SLC38A10: variants seen among roughly 807,000 people sequenced by gnomAD.
SLC38A10 encodes Sodium-coupled neutral amino acid transporter 10.
In SLC38A10, 53 loss-of-function variants were observed where a neutral mutation model predicts 81.0. That is an observed-to-expected ratio of 0.65 (90% CI 0.53 to 0.82). The LOEUF (loss-of-function observed/expected upper bound fraction) is 0.82. Ranked by LOEUF, SLC38A10 falls within the 40% of genes least tolerant of loss-of-function variation. The probability of loss-of-function intolerance (pLI) is 0.00; values close to 1 mark genes in which losing one functional copy is unlikely to be tolerated. For synonymous variants in SLC38A10, 665 were observed against 655.3 expected, an observed-to-expected ratio of 1.01 and a Z score of -0.23; for missense variants, 1,471 against 1,545.0, an observed-to-expected ratio of 0.95 and a Z score of 0.80.
chr17:81,292,610 G>T lies in SLC38A10; in HGVS notation c.99+2213C>A, dbSNP rs1482596566. 5.9e-5 allele frequency among the ~76,000 whole-genome samples: 9 copies of T among 152,184 alleles called. 1 individual carries two copies. Among genetic ancestry groups the T allele is most frequent in the Admixed American group, 5.9e-4 (9 of 15,274 alleles). On this transcript the variant is annotated intron_variant, in intron 1 of 15. Coordinates refer to ENST00000374759, the MANE Select transcript of SLC38A10 (RefSeq NM_001037984.3). ...CGCTGCGGCCAGATCAGAGCAACTG[G>T]GCCTCCCTCTGGGCAGCCCTCAGGA...
At chr17:81,271,486 T>G (rs532002384) in intron 9 of SLC38A10, among the ~76,000 whole-genome samples, 6 of 152,138 alleles carry the variant, frequency 3.9e-5, no homozygotes, top group Non-Finnish European at 8.8e-5. Context: ...GCGTGCGAGT[T>G]CCCCTGTGAT....
At chr17:81,294,757 G>C (rs1443040315) in intron 1 of SLC38A10, 66 bp downstream of exon 1, 53 of 1,440,728 alleles carry the variant, frequency 3.7e-5, no homozygotes, top group Non-Finnish European at 4.9e-5. Flanking sequence ...TAACCAGGAC[G>C]ACCCAGCCAG....
rs569028418 is a variant in SLC38A10 at position 81,269,076 on chromosome 17, C to A, written c.1131+1842G>T. Among the ~76,000 whole-genome samples, 5 of 152,274 alleles carry A rather than the reference C, an allele frequency of 3.3e-5. No individual in the cohort carries two copies. In the East Asian group the frequency reaches 9.6e-4, roughly 29 times the overall value. On this transcript the variant is annotated intron_variant, in intron 10 of 15. Coordinates refer to ENST00000374759, the MANE Select transcript of SLC38A10 (RefSeq NM_001037984.3). The stretch of plus-strand genomic sequence containing the variant: ...AAGACAATTCAACAAGGAGATATAA[C>A]CAACTTCAATCTGTCTGCTCCTAAT...
rs148338421 is a variant in SLC38A10, at chr17:81,251,375, A to C, written c.2065+118T>G. 17 of 1,612,706 alleles carry C rather than the reference A, an allele frequency of 1.1e-5. No individual in the cohort carries two copies. In the South Asian group the frequency reaches 1.5e-4, roughly 15 times the overall value. ...AGGGGTCTGCTCAGCAGGCGGCTGGAAAGAGAAGGGGGGCCTGGCAGGGCT... is the reference window on the plus strand; with the variant it reads ...AGGGGTCTGCTCAGCAGGCGGCTGGCAAGAGAAGGGGGGCCTGGCAGGGCT... On this transcript the variant is annotated intron_variant, in intron 14 of 15. Transcript: ENST00000374759.
Position 81,277,019 on chromosome 17 carries a change from C to T in SLC38A10, c.729+12G>A, listed in dbSNP as rs370335953. 303 of 1,611,372 alleles carry T rather than the reference C, an allele frequency of 1.9e-4. No individual in the cohort carries two copies. The highest frequency in any genetic ancestry group is 2.1e-4 in the Non-Finnish European group (244 of 1,177,742). The stretch of plus-strand genomic sequence containing the variant: ...TGACACAGGGGCGGAGAGGGCGTGG[C>T]AAGGCTCTTACCATGACGTAGAAGG... On this transcript the variant is annotated intron_variant, in intron 7 of 15. Coordinates refer to ENST00000374759, the MANE Select transcript of SLC38A10 (RefSeq NM_001037984.3). The surrounding 1 kb of genome is among the most constrained non-coding windows in gnomAD (Gnocchi z 4.5).
chr17:81,289,875 C>T lies in SLC38A10; in HGVS notation c.100-67G>A. The stretch of plus-strand genomic sequence containing the variant: ...GCTCCCCAGAGGCCCTCACCCCACA[C>T]ACGCGGCTCATGAGGACCCTCTTCA... On this transcript the variant is annotated intron_variant, in intron 1 of 15. Transcript: ENST00000374759. This position sits in a 1 kb window ranked among gnomAD's most constrained non-coding sequence, Gnocchi z 5.9. The T allele has an allele frequency of 7.5e-7, 1 of 1,338,624 alleles. No homozygotes were observed. Among genetic ancestry groups the T allele is most frequent in the Non-Finnish European group, 1.0e-6 (1 of 985,028 alleles). The allele number at this position is 1,338,624 out of a possible 1,614,324, so 82.9% of individuals were successfully genotyped here.
Position 81,283,759 on chromosome 17 carries a change from G to A in SLC38A10, c.264-257C>T, listed in dbSNP as rs1490756878. The stretch of plus-strand genomic sequence containing the variant: ...CTCCCGAGTAGCTGGGAGTAGCCGA[G>A]TAGCCACGCCCGGCTAATTGTTTGT... On this transcript the variant is annotated intron_variant, in intron 3 of 15. Coordinates refer to ENST00000374759, the MANE Select transcript of SLC38A10 (RefSeq NM_001037984.3). This position sits in a 1 kb window ranked among gnomAD's most constrained non-coding sequence, Gnocchi z 4.7. Among the ~76,000 whole-genome samples the A allele has an allele frequency of 1.3e-5, 2 of 151,878 alleles. No individual in the cohort carries two copies. The highest frequency in any genetic ancestry group is 1.3e-4 in the Admixed American group (2 of 15,258).
At position 81,258,000 on chromosome 17, in the gene SLC38A10, G is replaced by A. The variant is rs183840635; in HGVS notation, c.1288+2238C>T. ...GCAGGTACGAACGGCCCGACTCCCA[G>A]CTTTCAAGGTAACTGTCTTCATGAG... On this transcript the variant is annotated intron_variant, in intron 11 of 15. Transcript: ENST00000374759. Among the ~76,000 whole-genome samples the A allele has an allele frequency of 1.3e-3, 202 of 152,368 alleles. 1 individual carries two copies. The highest frequency in any genetic ancestry group is 0.012 in the South Asian group (57 of 4,828).
In SLC38A10 at chr17:81,289,148, C is replaced by T. The variant is rs1427950251; in HGVS notation, c.217+543G>A. Among the ~76,000 whole-genome samples, 2 of 152,146 alleles carry T rather than the reference C, an allele frequency of 1.3e-5. No homozygotes were observed. The highest frequency in any genetic ancestry group is 4.8e-5 in the African/African-American group (2 of 41,432). ...CTCCACCTATCGGGTTCAAGAGATT[C>T]TCTGGCCTCAGCCTCCTGAGTAGCT... On this transcript the variant is annotated intron_variant, in intron 2 of 15. Coordinates refer to ENST00000374759, the MANE Select transcript of SLC38A10 (RefSeq NM_001037984.3). The surrounding 1 kb of genome is among the most constrained non-coding windows in gnomAD (Gnocchi z 5.9).
chr17:81,284,079 C>G (rs1174389605), intron 3 of SLC38A10, among the ~76,000 whole-genome samples: 1 of 151,708 alleles, frequency 6.6e-6, no homozygotes, highest in East Asian at 2.0e-4. Flanking sequence ...CATGATGGGC[C>G]TGGCACAGTG....
At position 81,247,989 on chromosome 17, in the gene SLC38A10, A is replaced by G. The variant is rs187475751; in HGVS notation, c.2066-928T>C. 5.0e-3 allele frequency among the ~76,000 whole-genome samples: 538 copies of G among 107,080 alleles called. 12 individuals carry two copies. In the East Asian group the frequency reaches 0.07, roughly 14 times the overall value. 70.2% of individuals were successfully genotyped at this position (107,080 alleles called of 152,430 possible). On this transcript the variant is annotated intron_variant, in intron 14 of 15. Transcript: ENST00000374759. ...TTTTTTTTTTTGAGACGGGAGTCTC[A>G]CTCTGTCACCCAGGCTGGAGTGCAG...
At chr17:81,256,873 C>T (rs563631041) in intron 11 of SLC38A10, among the ~76,000 whole-genome samples, 1 of 152,330 alleles carries the variant, frequency 6.6e-6, no homozygotes, top group African/African-American at 2.4e-5. Flanking sequence ...TCCTGGTACC[C>T]GGGTGTCTGG....
chr17:81,250,047 A>T, intron 14 of SLC38A10: 1 of 1,287,776 alleles, frequency 7.8e-7, no homozygotes, highest in Non-Finnish European at 1.0e-6. Flanking sequence ...TCTTGACTTC[A>T]GCACACTCCT....
At chr17:81,252,762 C>G (rs943430208) in intron 12 of SLC38A10, 79 bp from the exon 13 acceptor site, 1 of 1,507,144 alleles carries the variant, frequency 6.6e-7, no homozygotes, top group African/African-American at 1.4e-5. Flanking sequence ...TGGGTTCTTC[C>G]CTGGGTTCTG....
chr17:81,253,073 C>T lies in SLC38A10; in HGVS notation c.1456G>A (p.Gly486Arg). The change falls in exon 12 of 16, where the codon GGG becomes AGG. Residue 486 changes from glycine (G) to arginine (R), a missense_variant and splice_region_variant. Transcript: ENST00000374759. This position sits in a 1 kb window ranked among gnomAD's most constrained non-coding sequence, Gnocchi z 4.1. ...EEAQLDRPGQ[G>R]IAVPVGEAHR... Reference sequence around the variant, plus strand: ...CGCACCCCCAGCCAGTGCCCAGCACCTTGCCCAGGGCGATCGAGCTGTGCC... The same window carrying T: ...CGCACCCCCAGCCAGTGCCCAGCACTTTGCCCAGGGCGATCGAGCTGTGCC... The T allele has an allele frequency of 6.2e-7, 1 of 1,612,656 alleles. No homozygotes were observed. Among genetic ancestry groups the T allele is most frequent in the Non-Finnish European group, 8.5e-7 (1 of 1,179,970 alleles).
At chr17:81,247,105 G>A in intron 14 of SLC38A10, 44 bp from the exon 15 acceptor site, 1 of 1,540,114 alleles carries the variant, frequency 6.5e-7, no homozygotes, top group Non-Finnish European at 8.7e-7. Context: ...GGCTGCTCAT[G>A]CACCGTGCTG....
At chr17:81,284,337 G>A (rs1007307139) in intron 3 of SLC38A10, among the ~76,000 whole-genome samples, 3 of 152,108 alleles carry the variant, frequency 2.0e-5, no homozygotes, top group African/African-American at 4.8e-5. Context: ...GGGTGACAGA[G>A]CAAAACTCCA....
At chr17:81,251,761 G>A (rs2062917161) in intron 13 of SLC38A10, 149 bp from the exon 14 acceptor site, 1 of 804,430 alleles carries the variant, frequency 1.2e-6, no homozygotes, top group East Asian at 3.0e-5. Context: ...TATTCAACCT[G>A]ATGATTACTA....
At chr17:81,259,428 C>T (rs1345715128) in intron 11 of SLC38A10, among the ~76,000 whole-genome samples, 1 of 152,188 alleles carries the variant, frequency 6.6e-6, no homozygotes, top group Non-Finnish European at 1.5e-5. Context: ...AAGACCCCAG[C>T]GTGAAGGTCA....
Sources: allele counts gnomAD v4.1 joint callset (sites outside exome capture counted in the v4.1 genomes callset), GRCh38; gene constraint gnomAD v4.1.1; non-coding constraint Gnocchi (gnomAD v3.1); transcripts MANE v1.5; gene names NCBI Gene and HGNC (gene_info 2026-07-23, HGNC 2026-07-21).